TENM2: variants seen among roughly 807,000 people sequenced by gnomAD.
The protein encoded by TENM2 is teneurin transmembrane protein 2.
TENM2 carries 52 observed loss-of-function variants against 245.2 expected under a neutral mutation model. The observed-to-expected ratio is 0.21, with a 90% CI of 0.17 to 0.27. The LOEUF is 0.27. Among genes scored for constraint, TENM2 ranks in the 10% least tolerant of loss-of-function variants. TENM2 has a pLI of 1.00. For missense variants in TENM2, 3,046 were observed against 3,666.8 expected, an observed-to-expected ratio of 0.83 and a Z score of 4.37; for synonymous variants, 1,363 against 1,438.9, an observed-to-expected ratio of 0.95 and a Z score of 1.19.
intron 3 of TENM2, among the ~76,000 whole-genome samples, chr5:167,936,838 T>A (rs1778758614): frequency 6.6e-6 from 1 of 152,210 alleles, no homozygotes; most frequent in Non-Finnish European, 1.5e-5. Flanking sequence ...TCCTAGTCAC[T>A]AATCTGTCCT....
chr5:167,513,384 A>G (rs923684778), intron 2 of TENM2, among the ~76,000 whole-genome samples: 11 of 152,302 alleles, frequency 7.2e-5, no homozygotes, highest in African/African-American at 2.6e-4. Context: ...GAAACAGTAA[A>G]TACACGCTGA....
chr5:167,924,634 C>G (rs1256088485), intron 3 of TENM2, among the ~76,000 whole-genome samples: 2 of 152,082 alleles, frequency 1.3e-5, no homozygotes, highest in African/African-American at 2.4e-5. Flanking sequence ...TTCCCAGCAC[C>G]CTTTGTCAAA....
intron 6 of TENM2, among the ~76,000 whole-genome samples, chr5:168,060,927 G>A (rs182878609): frequency 2.6e-5 from 4 of 152,212 alleles, no homozygotes. Context: ...ATATCTGGTG[G>A]CCAAATGATA....
intron 1 of TENM2, among the ~76,000 whole-genome samples, chr5:167,331,542 G>C (rs1436649607): frequency 6.6e-6 from 1 of 152,192 alleles, no homozygotes; most frequent in Non-Finnish European, 1.5e-5. Flanking sequence ...AATTTACAAT[G>C]TAGGATATTC....
At chr5:168,109,311 T>C (rs1259949171) in intron 9 of TENM2, among the ~76,000 whole-genome samples, 3 of 152,184 alleles carry the variant, frequency 2.0e-5, no homozygotes, top group Non-Finnish European at 2.9e-5. Context: ...TTTGATAAAA[T>C]AGCGTAAGAA....
intron 2 of TENM2, among the ~76,000 whole-genome samples, chr5:167,776,875 T>C (rs1763844524): frequency 6.6e-6 from 1 of 152,030 alleles, no homozygotes; most frequent in South Asian, 2.1e-4. Flanking sequence ...TTCCCCATCA[T>C]TTTTTTCCAG....
At chr5:167,813,868 A>G (rs1766832726) in intron 2 of TENM2, among the ~76,000 whole-genome samples, 3 of 152,168 alleles carry the variant, frequency 2.0e-5, no homozygotes, top group African/African-American at 7.2e-5. Flanking sequence ...CCTACATATT[A>G]CAATGCAGGA....
intron 12 of TENM2, among the ~76,000 whole-genome samples, chr5:168,136,717 C>T (rs1006392404): frequency 6.6e-6 from 1 of 152,224 alleles, no homozygotes; most frequent in African/African-American, 2.4e-5. Flanking sequence ...CCTCTCCTCA[C>T]CCTTAGACAG....
chr5:167,099,585 C>T, the TENM2 span, among the ~76,000 whole-genome samples: 63 of 152,126 alleles, frequency 4.1e-4, no homozygotes, highest in Admixed American at 7.9e-4. Context: ...ATCCCAGGTA[C>T]TTGGGAGGCT....
At chr5:168,156,494 C>T (rs765878518) in intron 12 of TENM2, among the ~76,000 whole-genome samples, 1 of 152,110 alleles carries the variant, frequency 6.6e-6, no homozygotes, top group Non-Finnish European at 1.5e-5. Flanking sequence ...TTTCTCTCTT[C>T]GTACCCCTCA....
the TENM2 span, among the ~76,000 whole-genome samples, chr5:167,249,236 C>T: frequency 2.0e-5 from 3 of 152,058 alleles, no homozygotes; most frequent in African/African-American, 7.2e-5. Flanking sequence ...GAAGTAAATC[C>T]AGGAAAAGAG....
intron 2 of TENM2, among the ~76,000 whole-genome samples, chr5:167,393,428 A>G (rs1761880901): frequency 1.3e-5 from 2 of 152,272 alleles, no homozygotes; most frequent in Admixed American, 6.5e-5. Context: ...ACTAGCTGTG[A>G]AAGGGAATTG....
rs1288528384 is a variant in TENM2 at position 167,872,534 on chromosome 5, AAG to A, written c.503-3450_503-3449del. On this transcript the variant is annotated intron_variant, in intron 2 of 28. Transcript: ENST00000518659. ...AAAGAAAGAAAGAAAGAAAGAAAGA[AAG>A]AAAGAAAGAAAGAGAAAGAAAGAAA... Among the ~76,000 whole-genome samples the A allele has an allele frequency of 3.3e-3, 165 of 50,160 alleles. 1 individual carries two copies. Among genetic ancestry groups the A allele is most frequent in the Middle Eastern group, 0.018 (2 of 114 alleles). The allele number at this position is 50,160 out of a possible 152,430, so 32.9% of individuals were successfully genotyped here. A position where few individuals can be genotyped will look rare whatever the true frequency, so the allele number is the denominator to read the frequency against.
At chr5:167,643,012 G>C (rs1779710952) in intron 2 of TENM2, among the ~76,000 whole-genome samples, 1 of 152,140 alleles carries the variant, frequency 6.6e-6, no homozygotes, top group Non-Finnish European at 1.5e-5. Flanking sequence ...ACTTTGTAAT[G>C]ACACCACAGC....
chr5:167,837,064 A>G (rs1385536747), intron 2 of TENM2, among the ~76,000 whole-genome samples: 1 of 81,622 alleles, frequency 1.2e-5, no homozygotes, highest in Admixed American at 1.1e-4. Context: ...ATGTATGCCT[A>G]AGTACACACA....
At chr5:167,580,845 C>T (rs1775039965) in intron 2 of TENM2, among the ~76,000 whole-genome samples, 1 of 152,128 alleles carries the variant, frequency 6.6e-6, no homozygotes, top group Non-Finnish European at 1.5e-5. Context: ...AAAAATTAGC[C>T]GGGCGTGGTG....
chr5:167,928,183 C>G (rs747753912), intron 3 of TENM2, among the ~76,000 whole-genome samples: 20 of 152,154 alleles, frequency 1.3e-4, no homozygotes, highest in Non-Finnish European at 1.9e-4. Flanking sequence ...TTTGTCATTT[C>G]TTGTCTCTCC....
At chr5:168,017,525 G>A (rs568433187) in intron 5 of TENM2, among the ~76,000 whole-genome samples, 1 of 152,118 alleles carries the variant, frequency 6.6e-6, no homozygotes, top group African/African-American at 2.4e-5. Context: ...CCCCACTCTG[G>A]GTGTGGCTGG....
At chr5:167,205,888 A>C in the TENM2 span, among the ~76,000 whole-genome samples, 2 of 152,134 alleles carry the variant, frequency 1.3e-5, no homozygotes, top group Non-Finnish European at 2.9e-5. Flanking sequence ...TATTTCCTTG[A>C]CACAAAGGCA....
Sources: allele counts gnomAD v4.1 joint callset (sites outside exome capture counted in the v4.1 genomes callset), GRCh38; gene constraint gnomAD v4.1.1; transcripts MANE v1.5; gene names NCBI Gene and HGNC (gene_info 2026-07-23, HGNC 2026-07-21).